The following TRPM3 variants were observed in gnomAD, a reference collection of about 807,000 sequenced individuals.
The protein encoded by TRPM3 is transient receptor potential cation channel subfamily M member 3, also known as long transient receptor potential channel 3.
A neutral mutation model predicts 181.2 loss-of-function variants in TRPM3; 77 were observed. The observed-to-expected ratio is 0.42, with a 90% CI of 0.35 to 0.51. The LOEUF is 0.51. Ranked by LOEUF, TRPM3 falls within the 20% of genes least tolerant of loss-of-function variation. TRPM3 has a pLI of 0.01. For missense variants in TRPM3, 1,759 were observed against 2,196.7 expected, an observed-to-expected ratio of 0.80 and a Z score of 3.98; for synonymous variants, 745 against 796.4, an observed-to-expected ratio of 0.94 and a Z score of 1.09.
intron 1 of TRPM3, among the ~76,000 whole-genome samples, chr9:70,962,983 CACAA>C (rs1158986294): frequency 2.6e-5 from 4 of 152,052 alleles, no homozygotes; most frequent in African/African-American, 4.8e-5. Context: ...TCTTTTGAAA[CACAA>C]ACCAGTTGAG....
chr9:70,608,383 T>TTCAACCCTTTA (rs5898152), intron 19 of TRPM3, among the ~76,000 whole-genome samples: 274 of 151,908 alleles, frequency 1.8e-3, no homozygotes, highest in Non-Finnish European at 2.2e-3. Flanking sequence ...CAAATTTTAT[T>TTCAACCCTTTA]AAAAATGTAA....
chr9:71,290,300 T>G (rs1451077432), intron 1 of TRPM3, among the ~76,000 whole-genome samples: 2 of 151,990 alleles, frequency 1.3e-5, no homozygotes, highest in Non-Finnish European at 2.9e-5. Flanking sequence ...TATATCGTAA[T>G]GTAATTCAGA....
chr9:70,835,038 G>A (rs967014142), intron 5 of TRPM3, among the ~76,000 whole-genome samples: 2 of 152,252 alleles, frequency 1.3e-5, no homozygotes, highest in East Asian at 1.9e-4. Flanking sequence ...CTCTTGCTCT[G>A]TCAGTGCACA....
At chr9:70,991,418 C>T (rs542172357) in intron 1 of TRPM3, among the ~76,000 whole-genome samples, 5 of 152,128 alleles carry the variant, frequency 3.3e-5, no homozygotes, top group African/African-American at 7.2e-5. Flanking sequence ...TTCAAAATTA[C>T]GATAGTTATT....
intron 9 of TRPM3, among the ~76,000 whole-genome samples, chr9:70,644,336 C>T (rs781029904): frequency 1.2e-4 from 19 of 152,142 alleles, no homozygotes; most frequent in Admixed American, 6.6e-4. Flanking sequence ...TCTGGCTACC[C>T]GACCTTGCAT....
chr9:70,874,270 T>G (rs1345527252), intron 1 of TRPM3, among the ~76,000 whole-genome samples: 1 of 151,976 alleles, frequency 6.6e-6, no homozygotes, highest in Non-Finnish European at 1.5e-5. Flanking sequence ...AATTAATCAT[T>G]GCTTGGCAAT....
intron 7 of TRPM3, chr9:70,776,594 C>T: frequency 1.8e-6 from 1 of 557,882 alleles, no homozygotes; most frequent in Non-Finnish European, 3.2e-6. Flanking sequence ...TCAGTCCTGT[C>T]AAAATGAGTA....
At chr9:71,331,334 C>CTTATATATAAATATAAATAAAATAAA in intron 1 of TRPM3, among the ~76,000 whole-genome samples, 1 of 151,656 alleles carries the variant, frequency 6.6e-6, no homozygotes, top group Non-Finnish European at 1.5e-5. Flanking sequence ...ATAAACTAGC[C>CTTATATATAAATATAAATAAAATAAA]ACACATTAAT....
chr9:70,951,701 A>G (rs1255565731), intron 1 of TRPM3, among the ~76,000 whole-genome samples: 1 of 152,208 alleles, frequency 6.6e-6, no homozygotes, highest in African/African-American at 2.4e-5. Context: ...TGTTGCTTAT[A>G]TAACCCAGGA....
At chr9:71,028,729 G>T (rs1028178203) in intron 1 of TRPM3, among the ~76,000 whole-genome samples, 4 of 151,820 alleles carry the variant, frequency 2.6e-5, no homozygotes, top group African/African-American at 4.8e-5. Context: ...TTCCATAAGG[G>T]TAAAGGGTTC....
rs563735236 is a variant in TRPM3 at position 70,750,681 on chromosome 9, G to A, written c.1272+10920C>T. Among the ~76,000 whole-genome samples, 8 of 152,150 alleles carry A rather than the reference G, an allele frequency of 5.3e-5. 1 individual carries two copies. The highest frequency in any genetic ancestry group is 1.0e-4 in the Non-Finnish European group (7 of 68,024). On this transcript the variant is annotated intron_variant, in intron 8 of 25. Coordinates refer to ENST00000677713, the MANE Select transcript of TRPM3 (RefSeq NM_001366145.2). ...TTGGCCACAATTGGCTGGTGGCGGT[G>A]GCAATGAGGATAGGGGAACTGAAGC... is the stretch of plus-strand genomic sequence containing the variant.
intron 12 of TRPM3, among the ~76,000 whole-genome samples, chr9:70,633,967 G>A (rs902668736): frequency 3.3e-5 from 5 of 152,088 alleles, no homozygotes; most frequent in African/African-American, 1.2e-4. Flanking sequence ...TCACTTTCTG[G>A]GATGGATTTA....
chr9:71,052,953 T>C (rs1482885261), intron 1 of TRPM3, among the ~76,000 whole-genome samples: 1 of 151,998 alleles, frequency 6.6e-6, no homozygotes, highest in Non-Finnish European at 1.5e-5. Context: ...AATATTATAC[T>C]ACTATCAAGA....
intron 1 of TRPM3, among the ~76,000 whole-genome samples, chr9:71,168,623 AT>A (rs1216365852): frequency 4.9e-4 from 25 of 50,644 alleles, no homozygotes; most frequent in Admixed American, 2.6e-3. Flanking sequence ...TTTTATTATT[AT>A]TTTTTTATTA....
intron 1 of TRPM3, among the ~76,000 whole-genome samples, chr9:71,304,163 T>G (rs1256920749): frequency 6.6e-6 from 1 of 152,158 alleles, no homozygotes; most frequent in Non-Finnish European, 1.5e-5. Flanking sequence ...TGTACATAAA[T>G]TGTCTACACA....
chr9:71,394,753 A>T (rs1246566252), intron 1 of TRPM3, among the ~76,000 whole-genome samples: 1 of 152,218 alleles, frequency 6.6e-6, no homozygotes, highest in African/African-American at 2.4e-5. Context: ...GAATAATTTC[A>T]AGAGAAAAAA....
chr9:71,059,668 C>T (rs927070592), intron 1 of TRPM3, among the ~76,000 whole-genome samples: 28 of 152,144 alleles, frequency 1.8e-4, no homozygotes, highest in Admixed American at 4.6e-4. Flanking sequence ...CAAGTGAAGG[C>T]CTTCAAAGCA....
intron 1 of TRPM3, among the ~76,000 whole-genome samples, chr9:71,178,475 CTAATAAG>C (rs1565308939): frequency 6.6e-6 from 1 of 152,036 alleles, no homozygotes; most frequent in African/African-American, 2.4e-5. Flanking sequence ...TTATTATTAT[CTAATAAG>C]ATTCCTGTCA....
intron 1 of TRPM3, among the ~76,000 whole-genome samples, chr9:70,992,493 C>A (rs1240411134): frequency 6.6e-6 from 1 of 152,104 alleles, no homozygotes; most frequent in South Asian, 2.1e-4. Flanking sequence ...GTGAATGAGC[C>A]CTGTTCCTGT....
Sources: gnomAD v4.1 joint callset for allele counts (sites outside exome capture counted in the v4.1 genomes callset) on GRCh38, gnomAD v4.1.1 for gene constraint, MANE v1.5 for transcripts, NCBI Gene and HGNC (gene_info 2026-07-23, HGNC 2026-07-21) for gene names.